Variants in MARK1 observed in about 807,000 individuals in gnomAD.
MARK1 encodes the protein serine/threonine-protein kinase MARK1.
In MARK1, 40 loss-of-function variants were observed where a neutral mutation model predicts 96.3. The observed-to-expected ratio is 0.42, with a 90% CI of 0.32 to 0.54. The LOEUF (loss-of-function observed/expected upper bound fraction) is 0.54. MARK1 is among the 20% of genes least tolerant of loss of function. The probability of loss-of-function intolerance (pLI) is 0.16; values close to 1 mark genes in which losing one functional copy is unlikely to be tolerated. For missense variants in MARK1, 719 were observed against 984.6 expected (o/e 0.73, Z 3.61); for synonymous variants, 317 against 341.2 (o/e 0.93, Z 0.78).
At chr1:220,587,246 A>G (rs1485967767) in intron 3 of MARK1, among the ~76,000 whole-genome samples, 3 of 151,918 alleles carry the variant, frequency 2.0e-5, no homozygotes, top group Admixed American at 6.6e-5. Context: ...TGCTAACTAT[A>G]TAGTCTCTCC....
intron 11 of MARK1, among the ~76,000 whole-genome samples, chr1:220,634,517 TTAAA>T (rs1255925023): frequency 6.6e-6 from 1 of 152,238 alleles, no homozygotes; most frequent in Non-Finnish European, 1.5e-5. Flanking sequence ...ATTGAAAATG[TTAAA>T]TGAATGAGTA....
chr1:220,635,777 C>T (rs986243011), intron 12 of MARK1, 56 bp from the exon 13 acceptor site: 27 of 1,371,938 alleles, frequency 2.0e-5, no homozygotes, highest in Non-Finnish European at 2.7e-5. Flanking sequence ...TGTTTGTGAG[C>T]AGAAAGTAGA....
At chr1:220,585,984 T>TACAC (rs1553322886) in intron 3 of MARK1, among the ~76,000 whole-genome samples, 1,337 of 52,890 alleles carry the variant, frequency 0.025, 18 homozygotes, top group African/African-American at 0.053. Flanking sequence ...TACATACGTA[T>TACAC]ACACACACAC....
chr1:220,560,799 GTAAC>G (rs1662616733), intron 1 of MARK1, among the ~76,000 whole-genome samples: 1 of 152,172 alleles, frequency 6.6e-6, no homozygotes, highest in Admixed American at 6.5e-5. Flanking sequence ...TTGACCTTAG[GTAAC>G]TAAAACCAGA....
rs759943096 is a variant in MARK1 at position 220,581,110 on chromosome 1, C to T, written c.301C>T (p.Leu101=). The change falls in exon 3 of 18, where the codon CTA becomes TTA. Residue 101 remains leucine (L), a synonymous_variant. Transcript: ENST00000366917. ...IDKTQLNPTS[L]QKLFREVRIM... Reference sequence around the variant, plus strand: ...CAAAACTCAGCTAAATCCTACCAGTCTACAAAAGGTATTTAATTAATTTAA... The same window carrying T: ...CAAAACTCAGCTAAATCCTACCAGTTTACAAAAGGTATTTAATTAATTTAA... The T allele has an allele frequency of 4.1e-6, 5 of 1,218,042 alleles. No individual in the cohort carries two copies. In the East Asian group the frequency reaches 1.4e-4, roughly 34 times the overall value. The allele number at this position is 1,218,042 out of a possible 1,614,324, so 75.5% of individuals were successfully genotyped here. A position where few individuals can be genotyped will look rare whatever the true frequency, so the allele number is the denominator to read the frequency against.
chr1:220,622,887 A>G (rs958127721), intron 9 of MARK1, among the ~76,000 whole-genome samples: 2 of 152,186 alleles, frequency 1.3e-5, no homozygotes, highest in Non-Finnish European at 2.9e-5. Flanking sequence ...CCTGTCTCCA[A>G]ATAAGATAAA....
Position 220,616,021 on chromosome 1 carries a change from A to T in MARK1, c.552+26A>T, listed in dbSNP as rs564462859. On this transcript the variant is annotated intron_variant, in intron 7 of 17. Coordinates refer to ENST00000366917, the MANE Select transcript of MARK1 (RefSeq NM_018650.5). The stretch of plus-strand genomic sequence containing the variant: ...GTAAGCTTCTGAGTGTAATTTTTTT[A>T]AAAAAAAAATCGTTATTATTAACAT... The T allele has an allele frequency of 4.7e-5, 57 of 1,221,918 alleles. No individual in the cohort carries two copies. The African/African-American group carries it at 6.4e-4, about 14-fold the overall frequency. 75.7% of individuals were successfully genotyped at this position (1,221,918 alleles called of 1,614,324 possible).
intron 3 of MARK1, among the ~76,000 whole-genome samples, chr1:220,594,910 T>A (rs536008285): frequency 1.4e-4 from 21 of 152,328 alleles, no homozygotes; most frequent in African/African-American, 4.6e-4. Context: ...AGAGCAGTGT[T>A]AGTATTAGTC....
intron 1 of MARK1, among the ~76,000 whole-genome samples, chr1:220,535,195 A>G (rs1209550170): frequency 1.3e-5 from 2 of 152,032 alleles, no homozygotes; most frequent in Admixed American, 6.6e-5. Context: ...AAGGGTTGCA[A>G]TTTCTCTACA....
At position 220,635,023 on chromosome 1, in the gene MARK1, G is replaced by T. The variant is rs563694261; in HGVS notation, c.1123-353G>T. Among the ~76,000 whole-genome samples, 4 of 152,110 alleles carry T rather than the reference G, an allele frequency of 2.6e-5. No individual in the cohort carries two copies. The South Asian group carries it at 8.3e-4, about 32-fold the overall frequency. ...TAAAGTGTAGGTTAATACATCATAG[G>T]TTTGTTGTGATGATTAAATAAAGTG... On this transcript the variant is annotated intron_variant, in intron 11 of 17. Coordinates refer to ENST00000366917, the MANE Select transcript of MARK1 (RefSeq NM_018650.5).
At chr1:220,586,361 A>G (rs1205818893) in intron 3 of MARK1, among the ~76,000 whole-genome samples, 3 of 152,030 alleles carry the variant, frequency 2.0e-5, no homozygotes, top group Non-Finnish European at 4.4e-5. Flanking sequence ...TCTTCCCTTA[A>G]TTAGTCCTTA....
intron 3 of MARK1, among the ~76,000 whole-genome samples, chr1:220,595,789 A>G (rs1665296915): frequency 6.6e-6 from 1 of 152,220 alleles, no homozygotes; most frequent in Admixed American, 6.5e-5. Flanking sequence ...GGTTGTACCA[A>G]GACCAGTGAG....
chr1:220,576,914 T>C (rs1418159521), intron 1 of MARK1, among the ~76,000 whole-genome samples: 1 of 152,148 alleles, frequency 6.6e-6, no homozygotes, highest in Non-Finnish European at 1.5e-5. Flanking sequence ...AATAATCATC[T>C]CTGTGAAAAG....
At chr1:220,569,026 T>TA (rs759586058) in intron 1 of MARK1, among the ~76,000 whole-genome samples, 3 of 152,202 alleles carry the variant, frequency 2.0e-5, no homozygotes, top group African/African-American at 4.8e-5. Context: ...TGACCAATGA[T>TA]ATATAAGTAT....
In MARK1 at chr1:220,650,501, A is replaced by G. The variant is rs950531259; in HGVS notation, c.1471-119A>G. The G allele has an allele frequency of 2.2e-5, 14 of 635,850 alleles. 1 individual carries two copies. The Admixed American group carries it at 3.8e-4, about 17-fold the overall frequency. The allele number at this position is 635,850 out of a possible 1,614,324, so 39.4% of individuals were successfully genotyped here. On this transcript the variant is annotated intron_variant, in intron 13 of 17. Coordinates refer to ENST00000366917, the MANE Select transcript of MARK1 (RefSeq NM_018650.5). ...AGAGGCAGGGGATAATCTTGTTAATATAAGATTCTGATCAATTAAAATTCT... is the reference window on the plus strand; with the variant it reads ...AGAGGCAGGGGATAATCTTGTTAATGTAAGATTCTGATCAATTAAAATTCT...
chr1:220,646,581 A>G (rs908365832), intron 13 of MARK1, among the ~76,000 whole-genome samples: 6 of 152,208 alleles, frequency 3.9e-5, no homozygotes, highest in African/African-American at 1.4e-4. Context: ...GGAACCAAAA[A>G]AGGGCTCGTA....
intron 3 of MARK1, among the ~76,000 whole-genome samples, chr1:220,594,650 A>G (rs749965301): frequency 3.9e-5 from 6 of 152,226 alleles, no homozygotes; most frequent in Admixed American, 6.5e-5. Context: ...GAATGGATGA[A>G]TAACCAATGG....
chr1:220,530,186 A>T (rs1336316862), intron 1 of MARK1, among the ~76,000 whole-genome samples: 2 of 150,730 alleles, frequency 1.3e-5, no homozygotes, highest in Non-Finnish European at 2.9e-5. Flanking sequence ...ACCTGTGAAG[A>T]TGTTTCAGAG....
chr1:220,581,165 A>C (rs111434801), intron 3 of MARK1, 47 bp downstream of exon 3: 11 of 645,576 alleles, frequency 1.7e-5, no homozygotes, highest in African/African-American at 1.7e-4. Flanking sequence ...TTTATCATTA[A>C]TATGTGATGT....
Sources: allele counts gnomAD v4.1 joint callset (sites outside exome capture counted in the v4.1 genomes callset), GRCh38; gene constraint gnomAD v4.1.1; transcripts MANE v1.5; gene names NCBI Gene and HGNC (gene_info 2026-07-23, HGNC 2026-07-21).